RUFY2: variants seen among roughly 807,000 people sequenced by gnomAD.
RUFY2 encodes RUN and FYVE domain-containing protein 2.
RUFY2 carries 49 observed loss-of-function variants against 94.4 expected under a neutral mutation model. That is an observed-to-expected ratio of 0.52 (90% CI 0.41 to 0.66). The LOEUF is 0.66. Ranked by LOEUF, RUFY2 falls within the 30% of genes least tolerant of loss-of-function variation. The pLI is 0.00. For synonymous variants in RUFY2, 255 were observed against 235.7 expected (o/e 1.08, Z -0.75); for missense variants, 541 against 692.8 (o/e 0.78, Z 2.46).
intron 3 of RUFY2, among the ~76,000 whole-genome samples, chr10:68,400,058 GCCTGAGCCACTGC>G: frequency 6.6e-6 from 1 of 152,292 alleles, no homozygotes; most frequent in Non-Finnish European, 1.5e-5. Context: ...GGGATTACAG[GCCTGAGCCACTGC>G]GCTGGGCCAA....
chr10:68,386,751 T>C (rs2049533131), intron 7 of RUFY2, among the ~76,000 whole-genome samples: 1 of 152,254 alleles, frequency 6.6e-6, no homozygotes, highest in Non-Finnish European at 1.5e-5. Flanking sequence ...GTTAAAATTA[T>C]ATTTAAAAGG....
intron 3 of RUFY2, among the ~76,000 whole-genome samples, chr10:68,397,494 T>C (rs1167940572): frequency 2.0e-5 from 3 of 151,656 alleles, no homozygotes; most frequent in Non-Finnish European, 4.4e-5. Flanking sequence ...CTTTGAGAGG[T>C]CAAGGTGGGA....
intron 3 of RUFY2, among the ~76,000 whole-genome samples, 199 bp downstream of exon 3, chr10:68,401,421 C>T (rs538643910): frequency 2.0e-5 from 3 of 151,980 alleles, no homozygotes; most frequent in East Asian, 1.9e-4. Context: ...TAATTTTGAT[C>T]GAAGAGGCTA....
rs114016974 is a variant in RUFY2 at position 68,348,821 on chromosome 10, G to C, written c.1600-2737C>G. 6.2e-3 allele frequency among the ~76,000 whole-genome samples: 941 copies of C among 152,266 alleles called. 17 individuals carry two copies. The highest frequency in any genetic ancestry group is 0.022 in the African/African-American group (904 of 41,558). On this transcript the variant is annotated intron_variant, in intron 16 of 17. Coordinates refer to ENST00000602465, the MANE Select transcript of RUFY2 (RefSeq NM_001330103.2). ...TGGAGCCCTCTCATTTTACACATGA[G>C]AAAACTTAAAGCCTAGAGAGCTGAA...
chr10:68,349,135 CA>C (rs912617213), intron 16 of RUFY2, among the ~76,000 whole-genome samples: 1 of 152,148 alleles, frequency 6.6e-6, no homozygotes, highest in African/African-American at 2.4e-5. Context: ...CCCACCCAAC[CA>C]ATACACACAC....
intron 1 of RUFY2, among the ~76,000 whole-genome samples, chr10:68,406,538 C>T (rs2051321343): frequency 6.6e-6 from 1 of 152,206 alleles, no homozygotes; most frequent in Non-Finnish European, 1.5e-5. Flanking sequence ...CGCCGAGGGG[C>T]GTTCACACCG....
At chr10:68,382,230 G>GT (rs568800033) in intron 10 of RUFY2, among the ~76,000 whole-genome samples, 5,886 of 135,116 alleles carry the variant, frequency 0.044, 373 homozygotes, top group African/African-American at 0.15. Context: ...TTTTTTTTTT[G>GT]TATTTTTAGT....
chr10:68,378,503 A>T, intron 12 of RUFY2: 1 of 1,421,902 alleles, frequency 7.0e-7, no homozygotes, highest in Non-Finnish European at 9.3e-7. Context: ...CTTTCTATTT[A>T]ATATATTATA....
chr10:68,385,928 T>C (rs1320335530), intron 8 of RUFY2, 131 bp downstream of exon 8: 1 of 504,122 alleles, frequency 2.0e-6, no homozygotes, highest in African/African-American at 2.0e-5. Context: ...GTTACGACTA[T>C]ATTACAAGTA....
intron 13 of RUFY2, among the ~76,000 whole-genome samples, chr10:68,368,840 C>CA (rs1006973609): frequency 4.6e-5 from 7 of 151,874 alleles, no homozygotes; most frequent in Non-Finnish European, 8.8e-5. Flanking sequence ...TGGGCATAGA[C>CA]AAAAAAAGCC....
intron 13 of RUFY2, among the ~76,000 whole-genome samples, chr10:68,375,076 T>C (rs539493872): frequency 6.6e-6 from 1 of 152,238 alleles, no homozygotes; most frequent in South Asian, 2.1e-4. Flanking sequence ...TGGTGACATA[T>C]AGATCATATA....
intron 7 of RUFY2, among the ~76,000 whole-genome samples, chr10:68,390,248 G>A (rs1463093957): frequency 6.6e-6 from 1 of 152,066 alleles, no homozygotes; most frequent in East Asian, 1.9e-4. Context: ...GGAAAAGCAA[G>A]AGTCACAGCT....
intron 2 of RUFY2, among the ~76,000 whole-genome samples, chr10:68,403,925 T>C (rs1357965141): frequency 6.6e-6 from 1 of 151,980 alleles, no homozygotes; most frequent in African/African-American, 2.4e-5. Context: ...CTCGAACAGC[T>C]GGGACCACAG....
At chr10:68,379,957 G>A (rs565955476) in intron 11 of RUFY2, among the ~76,000 whole-genome samples, 1 of 151,900 alleles carries the variant, frequency 6.6e-6, no homozygotes, top group African/African-American at 2.4e-5. Flanking sequence ...ACAGGTGCCC[G>A]CCACTGCGCC....
intron 7 of RUFY2, among the ~76,000 whole-genome samples, chr10:68,387,935 G>A (rs546590381): frequency 9.9e-5 from 15 of 151,878 alleles, no homozygotes; most frequent in East Asian, 1.9e-4. Context: ...CCCGGGAGGC[G>A]GACGTTGCAG....
At chr10:68,378,192 T>C in intron 12 of RUFY2, 2 of 991,460 alleles carry the variant, frequency 2.0e-6, no homozygotes, top group Non-Finnish European at 2.4e-6. Flanking sequence ...GGGCAAAGAG[T>C]GGGCCAATGA....
chr10:68,368,595 G>A (rs2048030190), intron 13 of RUFY2, among the ~76,000 whole-genome samples: 1 of 152,002 alleles, frequency 6.6e-6, no homozygotes, highest in Non-Finnish European at 1.5e-5. Flanking sequence ...GGAGGCGGAG[G>A]TTGCAGTGAG....
intron 8 of RUFY2, among the ~76,000 whole-genome samples, chr10:68,384,928 T>C (rs2049364363): frequency 6.6e-6 from 1 of 152,188 alleles, no homozygotes; most frequent in Non-Finnish European, 1.5e-5. Flanking sequence ...CATTCTTAAC[T>C]GCAGTCATGC....
At chr10:68,346,332 G>A (rs1351258223) in intron 16 of RUFY2, 13 of 368,504 alleles carry the variant, frequency 3.5e-5, no homozygotes, top group East Asian at 1.1e-4. Context: ...GGCTCACACC[G>A]GTAATTCCAG....
Sources: allele counts gnomAD v4.1 joint callset (sites outside exome capture counted in the v4.1 genomes callset), GRCh38; gene constraint gnomAD v4.1.1; transcripts MANE v1.5; gene names NCBI Gene and HGNC (gene_info 2026-07-23, HGNC 2026-07-21).